The following RP1L1 variants were observed in gnomAD, a reference collection of about 807,000 sequenced individuals.
The protein encoded by RP1L1 is retinitis pigmentosa 1-like 1 protein.
RP1L1 carries 27 observed loss-of-function variants against 15.7 expected under a neutral mutation model. The ratio of observed to expected loss-of-function variants is 1.72; its 90% confidence interval spans 1.27 to 2.38. RP1L1 has a LOEUF of 2.38. RP1L1 is among the 30% of genes most tolerant of loss of function. RP1L1 has a pLI of 0.00. For synonymous variants in RP1L1, 1,813 were observed against 1,276.7 expected, an observed-to-expected ratio of 1.42 and a Z score of -8.96; for missense variants, 4,798 against 3,075.9, an observed-to-expected ratio of 1.56 and a Z score of -13.24.
Position 10,609,459 on chromosome 8 carries a change from G to A in RP1L1, c.4639C>T (p.Leu1547=), listed in dbSNP as rs1258040566. 6.2e-7 allele frequency: 1 copy of A among 1,612,418 alleles called. No homozygotes were observed. The highest frequency in any genetic ancestry group is 1.1e-5 in the South Asian group (1 of 91,082). The change falls in exon 4 of 4, where the codon CTG becomes TTG. Residue 1547 remains leucine, a synonymous_variant. Transcript: ENST00000382483. ...AVAELRARWG[L]QDNDLLDQMA... ...TGGTCCAGCAGATCATTGTCCTGCA[G>A]GCCCCAGCGTGCTCGGAGCTCAGCC... is the stretch of plus-strand genomic sequence containing the variant.
intron 1 of RP1L1, among the ~76,000 whole-genome samples, chr8:10,643,411 C>G (rs1359185007): frequency 6.6e-6 from 1 of 152,156 alleles, no homozygotes; most frequent in Non-Finnish European, 1.5e-5. Flanking sequence ...GTACCTGGTA[C>G]ACAGTCGGTC....
intron 1 of RP1L1, among the ~76,000 whole-genome samples, chr8:10,648,368 T>C (rs1163214105): frequency 6.6e-6 from 1 of 152,108 alleles, no homozygotes; most frequent in African/African-American, 2.4e-5. Context: ...GTTTGTTTTT[T>C]TAATAGTACC....
chr8:10,624,974 G>T (rs931563080), intron 1 of RP1L1, among the ~76,000 whole-genome samples: 2 of 152,192 alleles, frequency 1.3e-5, no homozygotes, highest in African/African-American at 4.8e-5. Flanking sequence ...CCTGGGTGGG[G>T]TTGGGAGCCG....
At chr8:10,642,012 C>T (rs1014488911) in intron 1 of RP1L1, among the ~76,000 whole-genome samples, 4 of 151,960 alleles carry the variant, frequency 2.6e-5, no homozygotes, top group Non-Finnish European at 4.4e-5. Flanking sequence ...TGCCCTGTCT[C>T]TTGACCGGAT....
chr8:10,622,530 T>C (rs1798076927), intron 2 of RP1L1, 63 bp downstream of exon 2: 4 of 1,605,392 alleles, frequency 2.5e-6, no homozygotes, highest in Middle Eastern at 1.6e-4. Flanking sequence ...CTCTTCCATG[T>C]GAGTATTTTG....
intron 1 of RP1L1, among the ~76,000 whole-genome samples, chr8:10,628,023 G>A (rs938684304): frequency 3.3e-5 from 5 of 152,204 alleles, no homozygotes; most frequent in Non-Finnish European, 5.9e-5. Context: ...TTATAATCCA[G>A]GAAAGAATAC....
chr8:10,620,793 A>G (rs1297833181), intron 2 of RP1L1, among the ~76,000 whole-genome samples: 4 of 152,222 alleles, frequency 2.6e-5, no homozygotes, highest in African/African-American at 9.6e-5. Flanking sequence ...ATAGGGAGGA[A>G]GTCATCTATT....
intron 2 of RP1L1, among the ~76,000 whole-genome samples, chr8:10,620,349 T>C (rs1798038541): frequency 6.6e-6 from 1 of 152,158 alleles, no homozygotes; most frequent in Non-Finnish European, 1.5e-5. Context: ...CTCACGCCTG[T>C]AGTCTCAGCA....
At chr8:10,633,445 T>G (rs900948784) in intron 1 of RP1L1, among the ~76,000 whole-genome samples, 1 of 151,986 alleles carries the variant, frequency 6.6e-6, no homozygotes, top group Non-Finnish European at 1.5e-5. Context: ...AAACCCCAAA[T>G]TGCATCAGCT....
At chr8:10,617,638 G>C (rs1360903728) in intron 2 of RP1L1, among the ~76,000 whole-genome samples, 2 of 128,042 alleles carry the variant, frequency 1.6e-5, no homozygotes, top group Non-Finnish European at 1.6e-5. Flanking sequence ...CTCACTGCAA[G>C]CTCTGCCTCC....
rs1222978114 is a variant in RP1L1 at position 10,610,931 on chromosome 8, G to A, written c.3167C>T (p.Ala1056Val). Reference protein sequence around the residue: ...AAPEGVSEAPAEAGADREAPA... With the variant: ...AAPEGVSEAPVEAGADREAPA... ...GGCCTCTCTGTCTGCTCCGGCCTCTGCAGGGGCCTCGGAAACTCCCTCTGG... is the reference window on the plus strand; with the variant it reads ...GGCCTCTCTGTCTGCTCCGGCCTCTACAGGGGCCTCGGAAACTCCCTCTGG... Residue 1056 changes from alanine to valine, a missense_variant, in exon 4 of 4, where the codon GCA becomes GTA. Transcript: ENST00000382483. The A allele has an allele frequency of 1.2e-6, 2 of 1,611,286 alleles. No homozygotes were observed. The highest frequency in any genetic ancestry group is 1.7e-5 in the Admixed American group (1 of 59,826).
Position 10,613,041 on chromosome 8 carries a change from T to C in RP1L1, c.1057A>G (p.Ser353Gly), listed in dbSNP as rs766045571. The C allele has an allele frequency of 5.0e-6, 8 of 1,613,562 alleles. No individual in the cohort carries two copies. In the East Asian group the frequency reaches 1.8e-4, roughly 36 times the overall value. Residue 353 changes from serine (S) to glycine (G), a missense_variant, in exon 4 of 4, where the codon AGT becomes GGT. Physicochemically the swap from Ser to Gly is moderately conservative, Grantham distance 56. Transcript: ENST00000382483. ...MGRASALTAA[S>G]GEDPVLGEVD... ...TCCCCCAGAACGGGGTCTTCCCCAC[T>C]GGCTGCCGTGAGGGCGCTGGCCCTG...
intron 1 of RP1L1, among the ~76,000 whole-genome samples, chr8:10,649,164 C>A (rs997536368): frequency 1.3e-5 from 2 of 152,238 alleles, no homozygotes. Context: ...GAGGAGGAAG[C>A]GTGAGATTCA....
At chr8:10,638,696 G>A (rs1798364948) in intron 1 of RP1L1, among the ~76,000 whole-genome samples, 1 of 152,198 alleles carries the variant, frequency 6.6e-6, no homozygotes, top group African/African-American at 2.4e-5. Flanking sequence ...TTCCTGCAAA[G>A]AAAGAGTTAA....
intron 2 of RP1L1, chr8:10,621,911 A>T (rs1798065974): frequency 2.5e-6 from 1 of 400,576 alleles, no homozygotes. Context: ...TGGCTTCCCA[A>T]ACATGAAGCC....
At chr8:10,624,039 T>G (rs1357764657) in intron 1 of RP1L1, among the ~76,000 whole-genome samples, 1 of 152,202 alleles carries the variant, frequency 6.6e-6, no homozygotes, top group Non-Finnish European at 1.5e-5. Flanking sequence ...CACTGTGTCT[T>G]CAGCACTGTC....
Position 10,610,523 on chromosome 8 carries a change from T to A in RP1L1, c.3575A>T (p.Asn1192Ile), listed in dbSNP as rs368178523. The A allele has an allele frequency of 4.3e-6, 7 of 1,613,706 alleles. No individual in the cohort carries two copies. Among genetic ancestry groups the A allele is most frequent in the Non-Finnish European group, 5.9e-6 (7 of 1,180,018 alleles). The change falls in exon 4 of 4, where the codon AAC (asparagine) becomes ATC (isoleucine). Residue 1192 changes from asparagine to isoleucine, a missense_variant. Asn to Ile is a moderately radical substitution (Grantham distance 149). Coordinates refer to ENST00000382483, the MANE Select transcript of RP1L1 (RefSeq NM_178857.6). ...ACCAGAGGAGGATGTGGGCGTGAAG[T>A]TCTCCGTCATGGCATGGGACCCAAG... ...PDLGSHAMTE[N>I]FTPTSSSGVD...
intron 1 of RP1L1, among the ~76,000 whole-genome samples, chr8:10,629,445 G>A (rs1456713184): frequency 1.3e-5 from 2 of 152,202 alleles, no homozygotes; most frequent in African/African-American, 4.8e-5. Context: ...GAATGGACTC[G>A]ATTTCTTTGG....
chr8:10,647,486 C>G (rs12114730), intron 1 of RP1L1, among the ~76,000 whole-genome samples: 71,600 of 151,970 alleles, frequency 0.47, 19,008 homozygotes, highest in African/African-American at 0.72. Flanking sequence ...TTGCACACTC[C>G]ATCCTCATTT....
Sources: allele counts gnomAD v4.1 joint callset (sites outside exome capture counted in the v4.1 genomes callset), GRCh38; gene constraint gnomAD v4.1.1; transcripts MANE v1.5; gene names NCBI Gene and HGNC (gene_info 2026-07-23, HGNC 2026-07-21).